Variants in MSRB2 observed in about 807,000 individuals in gnomAD.
The protein encoded by MSRB2 is methionine-R-sulfoxide reductase B2, mitochondrial.
A neutral mutation model predicts 19.0 loss-of-function variants in MSRB2; 17 were observed. That is an observed-to-expected ratio of 0.89 (90% CI 0.61 to 1.34). The LOEUF (loss-of-function observed/expected upper bound fraction) is 1.34. MSRB2 is among the 40% of genes most tolerant of loss of function. MSRB2 has a pLI of 0.00. For synonymous variants in MSRB2, 107 were observed against 99.7 expected (o/e 1.07, Z -0.44); for missense variants, 208 against 237.6 (o/e 0.88, Z 0.82).
At chr10:23,118,641 G>C in intron 3 of MSRB2, among the ~76,000 whole-genome samples, 1 of 152,126 alleles carries the variant, frequency 6.6e-6, no homozygotes, top group East Asian at 1.9e-4. Flanking sequence ...ATCACAGCAA[G>C]CATTCAGGGA....
At chr10:23,116,157 T>C (rs1390647346) in intron 3 of MSRB2, among the ~76,000 whole-genome samples, 7 of 152,230 alleles carry the variant, frequency 4.6e-5, no homozygotes, top group Admixed American at 4.6e-4. Flanking sequence ...TCAGGTACTA[T>C]GCTAAGCACA....
In MSRB2 at chr10:23,095,594, G is replaced by T. The variant is rs764167291; in HGVS notation, c.-15G>T. 5.4e-6 allele frequency: 8 copies of T among 1,476,742 alleles called. No homozygotes were observed. Among genetic ancestry groups the T allele is most frequent in the Non-Finnish European group, 7.1e-6 (8 of 1,119,230 alleles). The allele number at this position is 1,476,742 out of a possible 1,614,324, so 91.5% of individuals were successfully genotyped here. A position where few individuals can be genotyped will look rare whatever the true frequency, so the allele number is the denominator to read the frequency against. ...GGCAGAGGGCAGAGGGCGGAGCGGC[G>T]CCGGAGCGGGCGTCATGGCGCGGCT... On this transcript the variant is annotated 5_prime_UTR_variant, in exon 1 of 5. Transcript: ENST00000376510.
intron 3 of MSRB2, among the ~76,000 whole-genome samples, chr10:23,114,122 G>A (rs1287880287): frequency 6.6e-6 from 1 of 152,170 alleles, no homozygotes; most frequent in Non-Finnish European, 1.5e-5. Flanking sequence ...GGCCAAGGCG[G>A]GTGGATCACT....
chr10:23,105,275 G>A (rs1260151838), intron 2 of MSRB2, among the ~76,000 whole-genome samples: 1 of 151,364 alleles, frequency 6.6e-6, no homozygotes, highest in Non-Finnish European at 1.5e-5. Context: ...GAGAAAATTT[G>A]TTACACATAT....
intron 3 of MSRB2, among the ~76,000 whole-genome samples, chr10:23,116,413 AG>A (rs929042853): frequency 3.3e-5 from 5 of 152,188 alleles, no homozygotes; most frequent in African/African-American, 1.2e-4. Context: ...AGATCACAGA[AG>A]GGGCTATGAA....
chr10:23,103,089 C>G (rs1839943050), intron 1 of MSRB2, among the ~76,000 whole-genome samples: 1 of 151,950 alleles, frequency 6.6e-6, no homozygotes, highest in Admixed American at 6.6e-5. Context: ...TATTAAATAG[C>G]CTAAAAACCT....
intron 3 of MSRB2, among the ~76,000 whole-genome samples, chr10:23,115,974 C>T (rs1185891414): frequency 1.3e-5 from 2 of 152,032 alleles, no homozygotes; most frequent in East Asian, 1.9e-4. Context: ...ATGTTTTTCC[C>T]TGAGCAGAGT....
At chr10:23,096,225 C>G (rs981825954) in intron 1 of MSRB2, among the ~76,000 whole-genome samples, 2 of 152,154 alleles carry the variant, frequency 1.3e-5, no homozygotes, top group Non-Finnish European at 2.9e-5. Context: ...CTGCTGACTT[C>G]CCATAAATGT....
At chr10:23,112,921 G>C (rs1840072269) in intron 3 of MSRB2, among the ~76,000 whole-genome samples, 1 of 152,194 alleles carries the variant, frequency 6.6e-6, no homozygotes, top group Admixed American at 6.5e-5. Context: ...CCCTCTTAGG[G>C]CTGTATACAT....
intron 3 of MSRB2, among the ~76,000 whole-genome samples, chr10:23,112,353 G>A (rs1378338004): frequency 6.6e-6 from 1 of 152,166 alleles, no homozygotes; most frequent in African/African-American, 2.4e-5. Flanking sequence ...CAGTAGAATG[G>A]TTAAGATTGC....
At chr10:23,095,922 C>G (rs1196134606) in intron 1 of MSRB2, among the ~76,000 whole-genome samples, 196 bp downstream of exon 1, 1 of 149,310 alleles carries the variant, frequency 6.7e-6, no homozygotes, top group African/African-American at 2.5e-5. Context: ...AGGGTGGGGA[C>G]TGACCCCTGT....
chr10:23,109,348 G>A (rs550019906), intron 2 of MSRB2, among the ~76,000 whole-genome samples: 6 of 152,178 alleles, frequency 3.9e-5, no homozygotes, highest in Admixed American at 2.0e-4. Context: ...TCAGGAGTTC[G>A]AGACCAGCCT....
chr10:23,120,869 T>A lies in MSRB2; in HGVS notation c.*7T>A. 4.3e-6 allele frequency: 7 copies of A among 1,609,268 alleles called. No homozygotes were observed. Among genetic ancestry groups the A allele is most frequent in the Non-Finnish European group, 5.1e-6 (6 of 1,176,092 alleles). ...CAAACCAAGGAAACACTGACCATCTTCAAGAGTCCCGTTCCCTTGCCACCC... is the reference window on the plus strand; with the variant it reads ...CAAACCAAGGAAACACTGACCATCTACAAGAGTCCCGTTCCCTTGCCACCC... On this transcript the variant is annotated 3_prime_UTR_variant, in exon 5 of 5. Transcript: ENST00000376510.
intron 3 of MSRB2, among the ~76,000 whole-genome samples, chr10:23,114,576 G>C (rs527750526): frequency 1.1e-4 from 17 of 152,306 alleles, no homozygotes; most frequent in African/African-American, 3.8e-4. Context: ...GTAAGTGATA[G>C]TGCAGGGATT....
In MSRB2 at chr10:23,095,579, A is replaced by G. The variant is rs1428148684; in HGVS notation, c.-30A>G. The G allele has an allele frequency of 5.5e-6, 8 of 1,462,972 alleles. No individual in the cohort carries two copies. In the East Asian group the frequency reaches 1.8e-4, roughly 33 times the overall value. The allele number at this position is 1,462,972 out of a possible 1,614,324, so 90.6% of individuals were successfully genotyped here. A position where few individuals can be genotyped will look rare whatever the true frequency, so the allele number is the denominator to read the frequency against. ...GCAGGGGCAGAGACGGGCAGAGGGC[A>G]GAGGGCGGAGCGGCGCCGGAGCGGG... On this transcript the variant is annotated 5_prime_UTR_variant, in exon 1 of 5. Coordinates refer to ENST00000376510, the MANE Select transcript of MSRB2 (RefSeq NM_012228.4).
chr10:23,105,453 C>T (rs1713423942), intron 2 of MSRB2, among the ~76,000 whole-genome samples: 1 of 152,050 alleles, frequency 6.6e-6, no homozygotes, highest in Non-Finnish European at 1.5e-5. Context: ...CTCCCCCTAC[C>T]CCCTGCTTTC....
intron 3 of MSRB2, among the ~76,000 whole-genome samples, chr10:23,116,823 T>G (rs1471205433): frequency 6.6e-6 from 1 of 152,170 alleles, no homozygotes; most frequent in Non-Finnish European, 1.5e-5. Context: ...ATTCTTTAAG[T>G]GTAGGGGTGC....
Position 23,095,736 on chromosome 10 carries a change from G to A in MSRB2, c.118+10G>A. On this transcript the variant is annotated intron_variant, in intron 1 of 4. Transcript: ENST00000376510. ...GGACTGGGGGAGGCAGGTAGGACGC[G>A]GGTCCCGCAGGCCCCGCCGCCGCCT... The A allele has an allele frequency of 1.6e-6, 2 of 1,243,750 alleles. No homozygotes were observed. The highest frequency in any genetic ancestry group is 1.0e-6 in the Non-Finnish European group (1 of 993,660). The allele number at this position is 1,243,750 out of a possible 1,614,324, so 77.0% of individuals were successfully genotyped here.
intron 1 of MSRB2, among the ~76,000 whole-genome samples, chr10:23,100,337 A>C (rs905729237): frequency 6.6e-6 from 1 of 152,164 alleles, no homozygotes; most frequent in African/African-American, 2.4e-5. Flanking sequence ...TGGCTAAAGC[A>C]TTCTCTTTTT....
Sources: gnomAD v4.1 joint callset for allele counts (sites outside exome capture counted in the v4.1 genomes callset) on GRCh38, gnomAD v4.1.1 for gene constraint, MANE v1.5 for transcripts, NCBI Gene and HGNC (gene_info 2026-07-23, HGNC 2026-07-21) for gene names.